Variants in PDIA6 observed in about 807,000 individuals in gnomAD.
PDIA6 encodes protein disulfide-isomerase A6.
In PDIA6, 29 loss-of-function variants were observed where a neutral mutation model predicts 58.4. That is an observed-to-expected ratio of 0.50 (90% CI 0.37 to 0.68). The LOEUF is 0.68. PDIA6 is among the 30% of genes least tolerant of loss of function. The probability of loss-of-function intolerance (pLI) is 0.00; values close to 1 mark genes in which losing one functional copy is unlikely to be tolerated. For synonymous variants in PDIA6, 192 were observed against 202.6 expected, an observed-to-expected ratio of 0.95 and a Z score of 0.44; for missense variants, 480 against 551.0, an observed-to-expected ratio of 0.87 and a Z score of 1.29.
chr2:10,783,569 C>T lies in PDIA6; in HGVS notation c.*689G>A, dbSNP rs754777878. On this transcript the variant is annotated 3_prime_UTR_variant, in exon 13 of 13. Transcript: ENST00000272227. ...TAACGGCTATTTTGAGGTTCATTAA[C>T]AACATAGAAAGCCTTGAACTGTATA... 1 of 288,540 alleles carries T rather than the reference C, an allele frequency of 3.5e-6. No homozygotes were observed. Among genetic ancestry groups the T allele is most frequent in the African/African-American group, 2.2e-5 (1 of 44,596 alleles). The allele number at this position is 288,540 out of a possible 1,614,324, so 17.9% of individuals were successfully genotyped here.
chr2:10,803,556 A>C lies in PDIA6; in HGVS notation c.20-916T>G, dbSNP rs577851640. Among the ~76,000 whole-genome samples the C allele has an allele frequency of 2.0e-5, 3 of 152,352 alleles. No homozygotes were observed. In the East Asian group the frequency reaches 5.8e-4, roughly 29 times the overall value. On this transcript the variant is annotated intron_variant, in intron 1 of 12. Coordinates refer to ENST00000272227, the MANE Select transcript of PDIA6 (RefSeq NM_005742.4). The stretch of plus-strand genomic sequence containing the variant: ...GAACAACCTTATAAAGACAGGATAC[A>C]GTGTCGACTGTATTGCTGACCACAC...
intron 7 of PDIA6, 84 bp from the exon 8 acceptor site, chr2:10,789,973 A>T: frequency 3.2e-6 from 4 of 1,240,148 alleles, no homozygotes; most frequent in Admixed American, 2.5e-5. Flanking sequence ...AAACCACCTT[A>T]TAGGTAATTT....
Position 10,796,060 on chromosome 2 carries a change from CTT to C in PDIA6, c.346+1019_346+1020del, listed in dbSNP as rs78611007. Among the ~76,000 whole-genome samples the C allele has an allele frequency of 5.1e-3, 736 of 144,064 alleles. 7 individuals are homozygous for C. Among genetic ancestry groups the C allele is most frequent in the African/African-American group, 0.018 (639 of 36,186 alleles). 94.5% of individuals were successfully genotyped at this position (144,064 alleles called of 152,430 possible). A position where few individuals can be genotyped will look rare whatever the true frequency, so the allele number is the denominator to read the frequency against. On this transcript the variant is annotated intron_variant, in intron 4 of 12. Transcript: ENST00000272227. Reference sequence around the variant, plus strand: ...AAATAGAATAATCTGTTTGTGATATCTTTTTTTTTTTTTTTTTTTGAGACGGA... The same window carrying C: ...AAATAGAATAATCTGTTTGTGATATCTTTTTTTTTTTTTTTTTGAGACGGA...
rs781720962 is a variant in PDIA6 at position 10,797,061 on chromosome 2, T to G, written c.346+20A>C. 1.9e-6 allele frequency: 3 copies of G among 1,610,250 alleles called. No homozygotes were observed. Among genetic ancestry groups the G allele is most frequent in the South Asian group, 2.2e-5 (2 of 90,730 alleles). On this transcript the variant is annotated intron_variant, in intron 4 of 12. Coordinates refer to ENST00000272227, the MANE Select transcript of PDIA6 (RefSeq NM_005742.4). The stretch of plus-strand genomic sequence containing the variant: ...GTTCTTGTCTACCAGGGGAATGAAG[T>G]AGCTAGGAAAAGTCCTTACCTTGGT...
At chr2:10,798,944 T>C (rs1223598711) in intron 2 of PDIA6, among the ~76,000 whole-genome samples, 2 of 152,128 alleles carry the variant, frequency 1.3e-5, no homozygotes, top group Non-Finnish European at 2.9e-5. Context: ...AAACCCACGT[T>C]AGTGAGCCTA....
rs753202210 is a variant in PDIA6 at position 10,797,184 on chromosome 2, A to T, written c.243T>A (p.Val81=). Residue 81 remains valine (V), a synonymous_variant, in exon 4 of 13, where the codon GTT becomes GTA. Coordinates refer to ENST00000272227, the MANE Select transcript of PDIA6 (RefSeq NM_005742.4). ...ALKDVVKVGA[V]DADKHHSLGG... ...CTAGGGAATGATGCTTATCTGCATC[A>T]ACTGCACCAACTTTGACAACATCCT... 23 of 1,609,962 alleles carry T rather than the reference A, an allele frequency of 1.4e-5. No homozygotes were observed. Among genetic ancestry groups the T allele is most frequent in the Non-Finnish European group, 2.0e-5 (23 of 1,178,864 alleles).
At chr2:10,834,726 CCTTCCCTCCTTCCTTCCTT>C (rs1558468739), upstream of PDIA6, among the ~76,000 whole-genome samples, 322 of 17,326 alleles carry the variant, frequency 0.019, 16 homozygotes, top group East Asian at 0.17. Flanking sequence ...TCCCTCCCTT[CCTTCCCTCCTTCCTTCCTT>C]CCTTCCTTCC....
At chr2:10,816,536 T>TTTTTTTTTTTTTTTTC (rs1288305416), upstream of PDIA6, among the ~76,000 whole-genome samples, 1 of 151,664 alleles carries the variant, frequency 6.6e-6, no homozygotes, top group African/African-American at 2.4e-5. Context: ...CTTTTTTTTT[T>TTTTTTTTTTTTTTTTC]TTTTGGCATT....
Position 10,789,894 on chromosome 2 carries a change from TA to T in PDIA6, c.700-6del. The T allele has an allele frequency of 1.2e-6, 2 of 1,606,206 alleles. No individual in the cohort carries two copies. Among genetic ancestry groups the T allele is most frequent in the South Asian group, 1.1e-5 (1 of 90,176 alleles). On this transcript the variant is annotated splice_polypyrimidine_tract_variant and splice_region_variant and intron_variant, in intron 7 of 12. Transcript: ENST00000272227. ...GATTGTAGGAAATCCTCTAATCTAT[TA>T]AAAAAAGGTCAGAGGATAAAATCCA...
upstream of PDIA6, among the ~76,000 whole-genome samples, chr2:10,815,733 C>T (rs201627345): frequency 6.6e-6 from 1 of 152,054 alleles, no homozygotes; most frequent in African/African-American, 2.4e-5. Flanking sequence ...TTAGTAGAGA[C>T]GGGGTTTCAC....
chr2:10,784,543 T>A (rs1665609989), intron 12 of PDIA6: 1 of 508,710 alleles, frequency 2.0e-6, no homozygotes, highest in Non-Finnish European at 3.4e-6. Flanking sequence ...CACTCACCAT[T>A]TTAACACTGG....
At position 10,790,709 on chromosome 2, in the gene PDIA6, G is replaced by A. The variant is rs763718085; in HGVS notation, c.699+10C>T. 5.1e-6 allele frequency: 8 copies of A among 1,576,468 alleles called. No homozygotes were observed. In the Admixed American group the frequency reaches 1.0e-4, roughly 20 times the overall value. On this transcript the variant is annotated intron_variant, in intron 7 of 12. Transcript: ENST00000272227. ...TTTCACAATGAAATGAGCCTTATAA[G>A]TATACTCACCCCGTATCGGGAGGCC...
chr2:10,818,772 C>G (rs185646405), intron 2 of PDIA6, among the ~76,000 whole-genome samples: 2 of 152,092 alleles, frequency 1.3e-5, no homozygotes, highest in Middle Eastern at 3.4e-3. Flanking sequence ...ATCCACCCAC[C>G]TCAGCCTCCC....
chr2:10,784,718 A>G, intron 12 of PDIA6: 1 of 553,148 alleles, frequency 1.8e-6, no homozygotes, highest in Non-Finnish European at 3.2e-6. Context: ...TACTACTGAA[A>G]TGTATCTTGG....
rs1245009673 is a variant in PDIA6 at position 10,784,963 on chromosome 2, T to G, written c.1225A>C (p.Arg409=). The G allele has an allele frequency of 6.3e-7, 1 of 1,591,822 alleles. No homozygotes were observed. The highest frequency in any genetic ancestry group is 1.7e-5 in the Admixed American group (1 of 57,608). The part of the protein sequence containing the change: ...GGGAFPTIVE[R]EPWDGRDGEL... Reference sequence around the variant, plus strand: ...CCATCCCTGCCGTCCCAAGGCTCTCTCTCAACGATGGTAGGGAAAGCCCCG... The same window carrying G: ...CCATCCCTGCCGTCCCAAGGCTCTCGCTCAACGATGGTAGGGAAAGCCCCG... Residue 409 remains arginine (R), a synonymous_variant, in exon 12 of 13, where the codon AGA becomes CGA. Transcript: ENST00000272227.
At chr2:10,793,052 T>C in intron 5 of PDIA6, 44 bp downstream of exon 5, 3 of 1,331,088 alleles carry the variant, frequency 2.3e-6, no homozygotes, top group Non-Finnish European at 3.2e-6. Flanking sequence ...CCACTCTGGC[T>C]TCAAAATTAT....
chr2:10,818,338 A>T (rs1667265877), intron 2 of PDIA6, among the ~76,000 whole-genome samples: 1 of 147,098 alleles, frequency 6.8e-6, no homozygotes, highest in Admixed American at 6.8e-5. Flanking sequence ...TAATTTCTGT[A>T]TTTTTTTTTT....
chr2:10,828,436 A>AGG (rs1195458295), intron 1 of PDIA6, among the ~76,000 whole-genome samples: 1 of 152,200 alleles, frequency 6.6e-6, no homozygotes, highest in Non-Finnish European at 1.5e-5. Context: ...CACAGCCTGG[A>AGG]GCACCCTGTT....
rs1435327502 is a variant in PDIA6 at position 10,812,529 on chromosome 2, C to T, written c.19+149G>A. 1.2e-5 allele frequency: 9 copies of T among 763,832 alleles called. No individual in the cohort carries two copies. The African/African-American group carries it at 1.7e-4, about 14-fold the overall frequency. The allele number at this position is 763,832 out of a possible 1,614,324, so 47.3% of individuals were successfully genotyped here. A position where few individuals can be genotyped will look rare whatever the true frequency, so the allele number is the denominator to read the frequency against. On this transcript the variant is annotated intron_variant, in intron 1 of 12. Coordinates refer to ENST00000272227, the MANE Select transcript of PDIA6 (RefSeq NM_005742.4). ...CACCTCCGCCGGGGCAACCTAGCAG[C>T]TCCTCCGGACGCCGAGGCCCGCGCC...
Sources: gnomAD v4.1 joint callset for allele counts (sites outside exome capture counted in the v4.1 genomes callset) on GRCh38, gnomAD v4.1.1 for gene constraint, MANE v1.5 for transcripts, NCBI Gene and HGNC (gene_info 2026-07-23, HGNC 2026-07-21) for gene names.